The following DMRT1 variants were observed in gnomAD, a reference collection of about 807,000 sequenced individuals.
DMRT1 encodes the protein doublesex and mab-3 related transcription factor 1, also known as doublesex- and mab-3-related transcription factor 1.
A neutral mutation model predicts 32.3 loss-of-function variants in DMRT1; 7 were observed. The observed-to-expected ratio is 0.22, with a 90% CI of 0.12 to 0.41. The LOEUF (loss-of-function observed/expected upper bound fraction) is 0.41, where lower values mean the gene tolerates loss of function less well. Among genes scored for constraint, DMRT1 ranks in the 10% least tolerant of loss-of-function variants. The probability of loss-of-function intolerance (pLI) is 1.00; values close to 1 mark genes in which losing one functional copy is unlikely to be tolerated. For synonymous variants in DMRT1, 278 were observed against 206.1 expected, an observed-to-expected ratio of 1.35 and a Z score of -2.99; for missense variants, 625 against 500.5, an observed-to-expected ratio of 1.25 and a Z score of -2.37.
chr9:941,210 G>T (rs1353710308), intron 4 of DMRT1, among the ~76,000 whole-genome samples: 5 of 152,080 alleles, frequency 3.3e-5, no homozygotes, highest in Non-Finnish European at 7.4e-5. Flanking sequence ...AGGGTCCAGA[G>T]ATATTTGTAC....
At chr9:922,200 C>T (rs1818376814) in intron 4 of DMRT1, among the ~76,000 whole-genome samples, 2 of 151,956 alleles carry the variant, frequency 1.3e-5, no homozygotes, top group Non-Finnish European at 2.9e-5. Flanking sequence ...CTGGGGGGCT[C>T]TAGTAATTCA....
chr9:864,114 G>A (rs1398734109), intron 2 of DMRT1, among the ~76,000 whole-genome samples: 1 of 152,122 alleles, frequency 6.6e-6, no homozygotes, highest in Non-Finnish European at 1.5e-5. Context: ...TCCACTTCCT[G>A]TTGGTAGGCC....
intron 4 of DMRT1, among the ~76,000 whole-genome samples, chr9:938,984 G>T (rs574967009): frequency 1.3e-5 from 2 of 152,224 alleles, no homozygotes; most frequent in African/African-American, 4.8e-5. Context: ...TGGTGGAGTT[G>T]TCAACTGCTC....
At chr9:844,858 C>G (rs916339243) in intron 1 of DMRT1, among the ~76,000 whole-genome samples, 1 of 151,636 alleles carries the variant, frequency 6.6e-6, no homozygotes, top group African/African-American at 2.4e-5. Flanking sequence ...GTAGCTGGGA[C>G]TACAGGCACA....
At chr9:876,128 G>A (rs1816490265) in intron 2 of DMRT1, among the ~76,000 whole-genome samples, 1 of 152,176 alleles carries the variant, frequency 6.6e-6, no homozygotes, top group Non-Finnish European at 1.5e-5. Flanking sequence ...CTGGGTGACA[G>A]GTCTTCTTAC....
intron 2 of DMRT1, among the ~76,000 whole-genome samples, chr9:865,306 C>T (rs937372828): frequency 3.3e-5 from 5 of 152,224 alleles, no homozygotes; most frequent in African/African-American, 1.2e-4. Flanking sequence ...TTCTTACCAC[C>T]TCTCTGATTT....
chr9:916,598 C>G (rs1318689563), intron 3 of DMRT1, among the ~76,000 whole-genome samples, 165 bp from the exon 4 acceptor site: 2 of 152,168 alleles, frequency 1.3e-5, no homozygotes, highest in Non-Finnish European at 2.9e-5. Flanking sequence ...TCTTGAACTC[C>G]TGGGCTCAAG....
At chr9:894,375 A>G (rs1817272609) in intron 3 of DMRT1, 180 bp downstream of exon 3, 1 of 676,070 alleles carries the variant, frequency 1.5e-6, no homozygotes, top group Non-Finnish European at 2.6e-6. Context: ...TAGGCACAAT[A>G]TGCAAAATGT....
chr9:891,187 T>TA (rs774188236), intron 2 of DMRT1, among the ~76,000 whole-genome samples: 6,006 of 133,614 alleles, frequency 0.045, 134 homozygotes, highest in South Asian at 0.061. Context: ...ACAAAAAAAT[T>TA]AAAAAAAAAA....
chr9:908,281 C>T (rs1817849955), intron 3 of DMRT1, among the ~76,000 whole-genome samples: 1 of 151,840 alleles, frequency 6.6e-6, no homozygotes, highest in Non-Finnish European at 1.5e-5. Flanking sequence ...CATAGTGGGA[C>T]CCTGTTTCTA....
At position 864,439 on chromosome 9, in the gene DMRT1, C is replaced by T. The variant is rs571590424; in HGVS notation, c.538+17296C>T. ...AACTCCTGACCTCAGGTGATCTGCC[C>T]GCCTTGTCCTCCCAAAGTGCTGAGA... On this transcript the variant is annotated intron_variant, in intron 2 of 4. Coordinates refer to ENST00000382276, the MANE Select transcript of DMRT1 (RefSeq NM_021951.3). Among the ~76,000 whole-genome samples, 113 of 151,798 alleles carry T rather than the reference C, an allele frequency of 7.4e-4. 1 individual carries two copies. In the South Asian group the frequency reaches 9.6e-3, roughly 13 times the overall value.
intron 1 of DMRT1, among the ~76,000 whole-genome samples, chr9:843,560 G>T (rs977240416): frequency 6.6e-6 from 1 of 152,196 alleles, no homozygotes; most frequent in African/African-American, 2.4e-5. Context: ...TTGAAGGTTC[G>T]TAAGTAGGCT....
At chr9:860,845 G>A (rs1815627032) in intron 2 of DMRT1, among the ~76,000 whole-genome samples, 1 of 152,114 alleles carries the variant, frequency 6.6e-6, no homozygotes, top group Non-Finnish European at 1.5e-5. Context: ...GGAAGGAGCA[G>A]CAAGGTGAGA....
intron 4 of DMRT1, among the ~76,000 whole-genome samples, chr9:945,716 TG>T (rs1163018418): frequency 2.0e-5 from 3 of 150,834 alleles, no homozygotes; most frequent in Non-Finnish European, 4.4e-5. Context: ...CCTGATGAGT[TG>T]CTTTTTTAAA....
intron 4 of DMRT1, among the ~76,000 whole-genome samples, chr9:917,654 C>T (rs1348193648): frequency 6.6e-6 from 1 of 152,088 alleles, no homozygotes; most frequent in Non-Finnish European, 1.5e-5. Flanking sequence ...GAAGAGAAAC[C>T]AATCTAGAAG....
At chr9:897,925 C>A (rs1360674795) in intron 3 of DMRT1, among the ~76,000 whole-genome samples, 4 of 151,818 alleles carry the variant, frequency 2.6e-5, no homozygotes, top group Non-Finnish European at 5.9e-5. Context: ...AATTTGATGC[C>A]CTTAGGAAAT....
chr9:848,170 C>T (rs1441098478), intron 2 of DMRT1, among the ~76,000 whole-genome samples: 1 of 152,194 alleles, frequency 6.6e-6, no homozygotes, highest in East Asian at 1.9e-4. Flanking sequence ...TCATGAATTA[C>T]TCCATTTGCT....
In DMRT1 at chr9:919,093, T is replaced by A. The variant is rs80072029; in HGVS notation, c.967+2186T>A. Among the ~76,000 whole-genome samples the A allele has an allele frequency of 9.7e-3, 1,474 of 152,246 alleles. 22 individuals are homozygous for A. Among genetic ancestry groups the A allele is most frequent in the African/African-American group, 0.033 (1,390 of 41,534 alleles). On this transcript the variant is annotated intron_variant, in intron 4 of 4. Coordinates refer to ENST00000382276, the MANE Select transcript of DMRT1 (RefSeq NM_021951.3). The stretch of plus-strand genomic sequence containing the variant: ...CATCAGTATATTCATTTGTGAGATA[T>A]CGGCAAAGGTTGGCTCATAACCAGT...
In DMRT1 at chr9:916,442, C is replaced by G. The variant is rs577511459; in HGVS notation, c.823-321C>G. 2.0e-5 allele frequency among the ~76,000 whole-genome samples: 3 copies of G among 152,232 alleles called. No individual in the cohort carries two copies. The East Asian group carries it at 5.8e-4, about 29-fold the overall frequency. On this transcript the variant is annotated intron_variant, in intron 3 of 4. Coordinates refer to ENST00000382276, the MANE Select transcript of DMRT1 (RefSeq NM_021951.3). Reference sequence around the variant, plus strand: ...AGTGCAGTAGTGCAAGCAGCCACGGCTCACTACAGCCTCAAACTCCTGGGT... The same window carrying G: ...AGTGCAGTAGTGCAAGCAGCCACGGGTCACTACAGCCTCAAACTCCTGGGT...
Sources: allele counts gnomAD v4.1 joint callset (sites outside exome capture counted in the v4.1 genomes callset), GRCh38; gene constraint gnomAD v4.1.1; transcripts MANE v1.5; gene names NCBI Gene and HGNC (gene_info 2026-07-23, HGNC 2026-07-21).